The following PEX5L variants were observed in gnomAD, a reference collection of about 807,000 sequenced individuals.
PEX5L encodes the protein PEX5-related protein.
Under a neutral mutation model 84.0 loss-of-function variants are expected in PEX5L, and 30 were observed. The ratio of observed to expected loss-of-function variants is 0.36; its 90% CI spans 0.27 to 0.48. PEX5L has a LOEUF of 0.48. PEX5L is among the 20% of genes least tolerant of loss of function. The pLI is 0.99. For missense variants in PEX5L, 533 were observed against 754.6 expected (o/e 0.71, Z 3.44); for synonymous variants, 270 against 283.1 (o/e 0.95, Z 0.46).
At chr3:179,815,227 G>A (rs1018224353) in intron 10 of PEX5L, among the ~76,000 whole-genome samples, 1 of 152,246 alleles carries the variant, frequency 6.6e-6, no homozygotes, top group African/African-American at 2.4e-5. Context: ...GTGATGTACA[G>A]TGTGACACAA....
chr3:179,880,960 C>G (rs956579936), intron 4 of PEX5L: 1 of 152,264 alleles, frequency 6.6e-6, no homozygotes. Context: ...CCCTACAGCT[C>G]TACCTTTCCA....
intron 1 of PEX5L, among the ~76,000 whole-genome samples, chr3:179,976,985 A>T (rs1413120907): frequency 6.6e-6 from 1 of 152,208 alleles, no homozygotes; most frequent in Non-Finnish European, 1.5e-5. Flanking sequence ...TTGGAGAGAA[A>T]CTGGTTCTCT....
At chr3:180,035,476 T>C (rs1791822513) in intron 1 of PEX5L, among the ~76,000 whole-genome samples, 1 of 152,198 alleles carries the variant, frequency 6.6e-6, no homozygotes, top group Non-Finnish European at 1.5e-5. Context: ...GCACTGTATA[T>C]TGAGAATTCT....
Position 179,797,230 on chromosome 3 carries a change from T to A in PEX5L, c.*4598A>T. 6.6e-6 allele frequency: 1 copy of A among 152,152 alleles called. No individual in the cohort carries two copies. 9.4% of individuals were successfully genotyped at this position (152,152 alleles called of 1,614,324 possible). On this transcript the variant is annotated 3_prime_UTR_variant, in exon 15 of 15. Coordinates refer to ENST00000467460, the MANE Select transcript of PEX5L (RefSeq NM_016559.3). ...GTCCCAGATTCTTCAGAGGATTAGT[T>A]TGGCACTGGTAACACTGTAGAAACC...
At chr3:179,824,259 C>G in intron 8 of PEX5L, among the ~76,000 whole-genome samples, 1 of 152,268 alleles carries the variant, frequency 6.6e-6, no homozygotes, top group East Asian at 1.9e-4. Flanking sequence ...TGTAAAGGAA[C>G]TAATCAATGT....
intron 2 of PEX5L, among the ~76,000 whole-genome samples, chr3:179,963,734 TG>T (rs1214278708): frequency 6.6e-6 from 1 of 152,116 alleles, no homozygotes; most frequent in Non-Finnish European, 1.5e-5. Context: ...TCCAACAAGG[TG>T]GCAATCCGCT....
intron 1 of PEX5L, among the ~76,000 whole-genome samples, chr3:180,011,276 T>C (rs1408216608): frequency 1.3e-5 from 2 of 152,262 alleles, no homozygotes; most frequent in Admixed American, 6.5e-5. Context: ...TAGAAGTTCC[T>C]TCATATCTTT....
chr3:179,895,189 T>G (rs1344770083), intron 3 of PEX5L, among the ~76,000 whole-genome samples: 1 of 152,106 alleles, frequency 6.6e-6, no homozygotes, highest in African/African-American at 2.4e-5. Context: ...AAATCCAAAA[T>G]ATTACCATTT....
chr3:179,863,518 A>T (rs1577750305), intron 7 of PEX5L, among the ~76,000 whole-genome samples: 3 of 152,272 alleles, frequency 2.0e-5, no homozygotes, highest in Non-Finnish European at 4.4e-5. Context: ...AAAATGGGAA[A>T]AGGACCTGAA....
chr3:180,006,624 A>T (rs142265547), intron 1 of PEX5L, among the ~76,000 whole-genome samples: 3,991 of 152,260 alleles, frequency 0.026, 181 homozygotes, highest in African/African-American at 0.092. Context: ...ACTGGGAAGA[A>T]AAAGAGGTTT....
At chr3:180,009,914 A>C (rs1248476231) in intron 1 of PEX5L, among the ~76,000 whole-genome samples, 1 of 152,102 alleles carries the variant, frequency 6.6e-6, no homozygotes, top group Non-Finnish European at 1.5e-5. Context: ...CACCTGCCAG[A>C]AACATTTGGT....
At position 179,865,383 on chromosome 3, in the gene PEX5L, T is replaced by C. The variant is rs564340448; in HGVS notation, c.727-6226A>G. On this transcript the variant is annotated intron_variant, in intron 7 of 14. Transcript: ENST00000467460. ...AAACAGGCAGTTTTCGAATAGCGAT[T>C]AGTATGCGGTTAAAGATCCTGAAAC... Among the ~76,000 whole-genome samples the C allele has an allele frequency of 5.9e-5, 9 of 152,252 alleles. No homozygotes were observed. The South Asian group carries it at 8.3e-4, about 14-fold the overall frequency.
Position 179,864,853 on chromosome 3 carries a change from C to T in PEX5L, c.727-5696G>A, listed in dbSNP as rs185836908. Among the ~76,000 whole-genome samples the T allele has an allele frequency of 4.5e-3, 688 of 152,192 alleles. 7 individuals are homozygous for T. Among genetic ancestry groups the T allele is most frequent in the Middle Eastern group, 0.01 (3 of 294 alleles). On this transcript the variant is annotated intron_variant, in intron 7 of 14. Transcript: ENST00000467460. ...TAATAAAAAAGGAAAAATCTTTGTG[C>T]ATTTATATAATGTCATGAATGACCC... is the stretch of plus-strand genomic sequence containing the variant.
At chr3:179,805,856 C>T in intron 14 of PEX5L, among the ~76,000 whole-genome samples, 1 of 151,890 alleles carries the variant, frequency 6.6e-6, no homozygotes. Flanking sequence ...AACAGTAACC[C>T]TGCTGAATTT....
At chr3:179,907,521 C>T (rs1763681928) in intron 2 of PEX5L, among the ~76,000 whole-genome samples, 1 of 151,872 alleles carries the variant, frequency 6.6e-6, no homozygotes, top group Non-Finnish European at 1.5e-5. Flanking sequence ...GCTATGTTGC[C>T]CAGGCTGGTC....
At chr3:179,903,971 G>T (rs1406205823) in intron 2 of PEX5L, among the ~76,000 whole-genome samples, 2 of 152,222 alleles carry the variant, frequency 1.3e-5, no homozygotes, top group African/African-American at 4.8e-5. Context: ...AGCATGGACA[G>T]AATTTGCTTG....
intron 2 of PEX5L, among the ~76,000 whole-genome samples, chr3:179,923,116 T>C (rs943733558): frequency 2.7e-5 from 4 of 149,858 alleles, no homozygotes; most frequent in South Asian, 2.2e-4. Flanking sequence ...GGTGAAAACC[T>C]GTCTCTATTA....
intron 4 of PEX5L, among the ~76,000 whole-genome samples, chr3:179,886,939 T>C (rs1162649045): frequency 1.3e-5 from 2 of 152,244 alleles, no homozygotes; most frequent in Admixed American, 6.5e-5. Flanking sequence ...AACATCATTT[T>C]TTCATTCTTA....
At position 179,944,000 on chromosome 3, in the gene PEX5L, TC is replaced by T. The variant is rs572399419; in HGVS notation, c.93+27593del. The stretch of plus-strand genomic sequence containing the variant: ...ACAAACTTGCCAGAAGAATATGCCC[TC>T]CCCCCCCCAAAAAACTGAAAAAGTT... On this transcript the variant is annotated intron_variant, in intron 2 of 14. Coordinates refer to ENST00000467460, the MANE Select transcript of PEX5L (RefSeq NM_016559.3). Among the ~76,000 whole-genome samples, 153 of 147,728 alleles carry T rather than the reference TC, an allele frequency of 1.0e-3. 1 individual carries two copies. Among genetic ancestry groups the T allele is most frequent in the South Asian group, 3.7e-3 (17 of 4,580 alleles).
Sources: allele counts gnomAD v4.1 joint callset (sites outside exome capture counted in the v4.1 genomes callset), GRCh38; gene constraint gnomAD v4.1.1; transcripts MANE v1.5; gene names NCBI Gene and HGNC (gene_info 2026-07-23, HGNC 2026-07-21).